RBM17: variants seen among roughly 807,000 people sequenced by gnomAD.
The protein encoded by RBM17 is splicing factor 45.
RBM17 carries 7 observed loss-of-function variants against 53.2 expected under a neutral mutation model. The observed-to-expected ratio is 0.13, with a 90% CI of 0.07 to 0.25. RBM17 has a LOEUF of 0.25. RBM17 is among the 10% of genes least tolerant of loss of function. RBM17 has a pLI of 1.00. For synonymous variants in RBM17, 167 were observed against 178.1 expected (o/e 0.94, Z 0.50); for missense variants, 257 against 496.7 (o/e 0.52, Z 4.59).
chr10:6,101,869 T>TA (rs1173790739), intron 3 of RBM17, among the ~76,000 whole-genome samples: 3 of 152,182 alleles, frequency 2.0e-5, no homozygotes, highest in South Asian at 2.1e-4. Flanking sequence ...TGTTAGTACT[T>TA]ACTGATTTAT....
rs1840861276 is a variant in RBM17 at position 6,112,898 on chromosome 10, C to T, written c.856+537C>T. 1 of 174,372 alleles carries T rather than the reference C, an allele frequency of 5.7e-6. No individual in the cohort carries two copies. Among genetic ancestry groups the T allele is most frequent in the Admixed American group, 5.4e-5 (1 of 18,574 alleles). The allele number at this position is 174,372 out of a possible 1,614,324, so 10.8% of individuals were successfully genotyped here. A position where few individuals can be genotyped will look rare whatever the true frequency, so the allele number is the denominator to read the frequency against. On this transcript the variant is annotated intron_variant, in intron 8 of 11. Transcript: ENST00000379888. The surrounding 1 kb of genome is among the most constrained non-coding windows in gnomAD (Gnocchi z 4.4). ...GTGTTTTATTTTCATTTAATTTTTA[C>T]AGTCTGTTCTGTGTTGAGGGAATTC... is the stretch of plus-strand genomic sequence containing the variant.
chr10:6,113,170 C>G, intron 8 of RBM17: 2 of 227,134 alleles, frequency 8.8e-6, no homozygotes, highest in Admixed American at 1.0e-4. Flanking sequence ...GGCCCGTGAC[C>G]TTGAACGTTT....
intron 1 of RBM17, among the ~76,000 whole-genome samples, chr10:6,092,232 A>G (rs1199968456): frequency 6.6e-6 from 1 of 152,216 alleles, no homozygotes; most frequent in East Asian, 1.9e-4. Context: ...GCTTTTTGTT[A>G]CCTGGCAGCA....
At chr10:6,096,922 A>G (rs1840585936) in intron 1 of RBM17, 126 bp from the exon 2 acceptor site, 1 of 702,386 alleles carries the variant, frequency 1.4e-6, no homozygotes, top group African/African-American at 1.8e-5. Context: ...TGGTACCAGG[A>G]GCCTGGGCCT....
At chr10:6,104,251 T>A (rs1250565858) in intron 3 of RBM17, among the ~76,000 whole-genome samples, 2 of 152,212 alleles carry the variant, frequency 1.3e-5, no homozygotes, top group African/African-American at 4.8e-5. Context: ...GCTACCTCTT[T>A]TCTTTCAAAG....
chr10:6,110,104 C>A lies in RBM17; in HGVS notation c.681C>A (p.Ser227Arg). 3.1e-6 allele frequency: 5 copies of A among 1,609,862 alleles called. No homozygotes were observed. The highest frequency in any genetic ancestry group is 4.2e-6 in the Non-Finnish European group (5 of 1,178,128). ...QDRPRSPTGP[S>R]NSFLANMGGT... ...GACCGAGATCTCCAACCGGACCTAG[C>A]AACTCCTTCCTCGCTAACATGGGGT... The change falls in exon 7 of 12, where the codon AGC becomes AGA. Residue 227 changes from serine to arginine, a missense_variant. Coordinates refer to ENST00000379888, the MANE Select transcript of RBM17 (RefSeq NM_032905.5).
chr10:6,110,899 G>A (rs550543542), intron 7 of RBM17, among the ~76,000 whole-genome samples: 35 of 152,318 alleles, frequency 2.3e-4, no homozygotes, highest in African/African-American at 8.2e-4. Context: ...GGACATGGCC[G>A]TGGCTGCAGG....
At chr10:6,098,556 GTTTTTTGTTTTTTTTTTTT>G (rs746006828) in intron 2 of RBM17, among the ~76,000 whole-genome samples, 1 of 87,982 alleles carries the variant, frequency 1.1e-5, no homozygotes, top group African/African-American at 4.0e-5. Flanking sequence ...TAATACACAG[GTTTTTTGTTTTTTTTTTTT>G]TTTTTTTTTT....
chr10:6,098,377 C>T (rs12254328), intron 2 of RBM17, among the ~76,000 whole-genome samples: 5,952 of 151,752 alleles, frequency 0.039, 219 homozygotes, highest in African/African-American at 0.098. Context: ...AAATATTTAC[C>T]GATAAGATGA....
chr10:6,090,500 C>T (rs11256668), intron 1 of RBM17, among the ~76,000 whole-genome samples: 5,919 of 152,190 alleles, frequency 0.039, 209 homozygotes, highest in East Asian at 0.18. Context: ...TGGAGCTCTG[C>T]GGAACCAAAG....
Position 6,112,571 on chromosome 10 carries a change from C to A in RBM17, c.856+210C>A. The A allele has an allele frequency of 1.7e-6, 1 of 594,206 alleles. No individual in the cohort carries two copies. Among genetic ancestry groups the A allele is most frequent in the Non-Finnish European group, 3.0e-6 (1 of 331,230 alleles). 36.8% of individuals were successfully genotyped at this position (594,206 alleles called of 1,614,324 possible). On this transcript the variant is annotated intron_variant, in intron 8 of 11. Transcript: ENST00000379888. The surrounding 1 kb of genome is among the most constrained non-coding windows in gnomAD (Gnocchi z 4.4). ...TTTTGTGAAACCAGGAATCCTGAGGCTCATCTTTATTTTTTCAGAACAGAC... is the reference window on the plus strand; with the variant it reads ...TTTTGTGAAACCAGGAATCCTGAGGATCATCTTTATTTTTTCAGAACAGAC...
At chr10:6,099,725 G>T (rs1840642417) in intron 2 of RBM17, among the ~76,000 whole-genome samples, 1 of 151,916 alleles carries the variant, frequency 6.6e-6, no homozygotes, top group Non-Finnish European at 1.5e-5. Flanking sequence ...GATACAGAGG[G>T]CCAACTCTAT....
At chr10:6,090,157 A>C (rs1249912557) in intron 1 of RBM17, among the ~76,000 whole-genome samples, 2 of 152,206 alleles carry the variant, frequency 1.3e-5, no homozygotes, top group African/African-American at 4.8e-5. Context: ...CTTGAGAAGC[A>C]GTAAAGAAGC....
chr10:6,111,520 A>G (rs553831424), intron 7 of RBM17, among the ~76,000 whole-genome samples: 3 of 152,170 alleles, frequency 2.0e-5, no homozygotes, highest in Non-Finnish European at 4.4e-5. Context: ...TTACATTTTT[A>G]GTAGAGATGA....
At chr10:6,094,793 G>C (rs987018062) in intron 1 of RBM17, among the ~76,000 whole-genome samples, 1 of 152,190 alleles carries the variant, frequency 6.6e-6, no homozygotes, top group African/African-American at 2.4e-5. Flanking sequence ...AAGCTGTTTG[G>C]TGCAGTGTTG....
chr10:6,104,841 C>CT (rs1840723414), intron 3 of RBM17, 90 bp from the exon 4 acceptor site: 5 of 1,097,502 alleles, frequency 4.6e-6, no homozygotes, highest in Non-Finnish European at 6.6e-6. Flanking sequence ...GTTCAGAGTC[C>CT]TTTTATCTCC....
chr10:6,098,061 T>G (rs576472339), intron 2 of RBM17, among the ~76,000 whole-genome samples: 1,999 of 109,184 alleles, frequency 0.018, 102 homozygotes, highest in East Asian at 0.13. Context: ...AAATAACATG[T>G]AAAACATTAA....
At chr10:6,107,778 A>G (rs1271321127) in intron 5 of RBM17, among the ~76,000 whole-genome samples, 1 of 152,156 alleles carries the variant, frequency 6.6e-6, no homozygotes, top group Non-Finnish European at 1.5e-5. Context: ...CACTGCGTCC[A>G]GCCAGAATAA....
At chr10:6,108,941 T>G (rs1386258324) in intron 6 of RBM17, among the ~76,000 whole-genome samples, 199 bp downstream of exon 6, 1 of 152,214 alleles carries the variant, frequency 6.6e-6, no homozygotes. Context: ...TACGCCAGGC[T>G]CTGAGGCTTG....
Sources: allele counts gnomAD v4.1 joint callset (sites outside exome capture counted in the v4.1 genomes callset), GRCh38; gene constraint gnomAD v4.1.1; non-coding constraint Gnocchi (gnomAD v3.1); transcripts MANE v1.5; gene names NCBI Gene and HGNC (gene_info 2026-07-23, HGNC 2026-07-21).